CACNB2: variants seen among roughly 807,000 people sequenced by gnomAD.
CACNB2 encodes the protein calcium voltage-gated channel auxiliary subunit beta 2.
Under a neutral mutation model 73.3 loss-of-function variants are expected in CACNB2, and 42 were observed. The observed-to-expected ratio is 0.57, with a 90% CI of 0.45 to 0.74. CACNB2 has a LOEUF of 0.74. Among genes scored for constraint, CACNB2 ranks in the 30% least tolerant of loss-of-function variants. The probability of loss-of-function intolerance (pLI) is 0.00; values close to 1 mark genes in which losing one functional copy is unlikely to be tolerated. For missense variants in CACNB2, 940 were observed against 853.0 expected, an observed-to-expected ratio of 1.10 and a Z score of -1.27; for synonymous variants, 348 against 310.3, an observed-to-expected ratio of 1.12 and a Z score of -1.28.
intron 2 of CACNB2, among the ~76,000 whole-genome samples, chr10:18,397,391 G>C (rs1248718259): frequency 6.6e-6 from 1 of 152,110 alleles, no homozygotes; most frequent in African/African-American, 2.4e-5. Flanking sequence ...CGTGAACCTA[G>C]GAGACAGAGG....
At chr10:18,366,012 C>A (rs187345500) in intron 2 of CACNB2, among the ~76,000 whole-genome samples, 66 of 152,254 alleles carry the variant, frequency 4.3e-4, no homozygotes, top group African/African-American at 1.4e-3. Context: ...ACCATTCTAC[C>A]CATTTAAATA....
At chr10:18,311,853 C>T (rs532034269) in intron 2 of CACNB2, among the ~76,000 whole-genome samples, 3 of 152,202 alleles carry the variant, frequency 2.0e-5, no homozygotes, top group African/African-American at 7.2e-5. Context: ...GTCAGGGAAC[C>T]GCCTGGTAGG....
At chr10:18,501,552 C>G (rs994373543) in intron 5 of CACNB2, among the ~76,000 whole-genome samples, 1 of 152,236 alleles carries the variant, frequency 6.6e-6, no homozygotes, top group Non-Finnish European at 1.5e-5. Context: ...GTCTGTCCCT[C>G]TCTGAAAGAA....
chr10:18,282,426 G>A (rs1199067297), intron 2 of CACNB2, among the ~76,000 whole-genome samples: 16 of 152,210 alleles, frequency 1.1e-4, no homozygotes, highest in Admixed American at 1.0e-3. Context: ...AGATAGACCA[G>A]TCACCTGGGG....
At chr10:18,369,359 T>G (rs1455214716) in intron 2 of CACNB2, among the ~76,000 whole-genome samples, 3 of 152,240 alleles carry the variant, frequency 2.0e-5, no homozygotes, top group Non-Finnish European at 2.9e-5. Flanking sequence ...TATCCTGTAC[T>G]TTGCTGTAGT....
At chr10:18,243,387 G>A (rs1349643165) in intron 2 of CACNB2, among the ~76,000 whole-genome samples, 1 of 152,148 alleles carries the variant, frequency 6.6e-6, no homozygotes, top group Non-Finnish European at 1.5e-5. Flanking sequence ...CACCCTGGCT[G>A]TTTACAGGGA....
chr10:18,295,055 A>AT (rs1429355300), intron 2 of CACNB2, among the ~76,000 whole-genome samples: 3 of 152,106 alleles, frequency 2.0e-5, no homozygotes, highest in Admixed American at 6.6e-5. Context: ...TGTTATTTTT[A>AT]TTTTTTTACC....
intron 2 of CACNB2, among the ~76,000 whole-genome samples, chr10:18,353,351 A>T (rs1222635872): frequency 6.6e-6 from 1 of 152,064 alleles, no homozygotes. Context: ...CAGAGTTTGC[A>T]GTGAGCTGAG....
chr10:18,508,890 G>A (rs1047924517), intron 6 of CACNB2, among the ~76,000 whole-genome samples: 1 of 152,178 alleles, frequency 6.6e-6, no homozygotes, highest in African/African-American at 2.4e-5. Flanking sequence ...AGGAGGTGCT[G>A]CATTTTGAAG....
At chr10:18,346,374 G>A (rs1215700868) in intron 2 of CACNB2, among the ~76,000 whole-genome samples, 2 of 151,754 alleles carry the variant, frequency 1.3e-5, no homozygotes, top group Non-Finnish European at 1.5e-5. Flanking sequence ...TCCTGACCTC[G>A]AGTTCCACTC....
chr10:18,442,938 ATATG>A lies in CACNB2; in HGVS notation c.333+40897_333+40900del, dbSNP rs1275332017. ...TATATATATATATGTATATATATATATATGTGTATATATATATATGTATATATAT... is the reference window on the plus strand; with the variant it reads ...TATATATATATATGTATATATATATATGTATATATATATATGTATATATAT... On this transcript the variant is annotated intron_variant, in intron 3 of 13. Coordinates refer to ENST00000324631, the MANE Select transcript of CACNB2 (RefSeq NM_201596.3). Among the ~76,000 whole-genome samples, 360 of 43,534 alleles carry A rather than the reference ATATG, an allele frequency of 8.3e-3. 23 individuals carry two copies. The highest frequency in any genetic ancestry group is 0.011 in the Non-Finnish European group (292 of 25,916). 28.6% of individuals were successfully genotyped at this position (43,534 alleles called of 152,430 possible).
chr10:18,462,854 G>A (rs1186454958), intron 3 of CACNB2, among the ~76,000 whole-genome samples: 1 of 152,032 alleles, frequency 6.6e-6, no homozygotes, highest in Non-Finnish European at 1.5e-5. Context: ...CACCTCCCAG[G>A]TTCAAGAGAT....
intron 3 of CACNB2, among the ~76,000 whole-genome samples, chr10:18,488,474 CAAAAAAAAAAAAAAA>C (rs59931967): frequency 2.9e-5 from 2 of 67,966 alleles, no homozygotes; most frequent in Non-Finnish European, 5.1e-5. Context: ...GACTCCATCT[CAAAAAAAAAAAAAAA>C]AAAAAAAAAA....
chr10:18,540,289 G>A lies in CACNB2; in HGVS notation c.*565G>A, dbSNP rs886046896. ...GTACTGTGTACTGTATAGACAGTTTGTAAATGTTATTTCTGCAAACAAACA... is the reference window on the plus strand; with the variant it reads ...GTACTGTGTACTGTATAGACAGTTTATAAATGTTATTTCTGCAAACAAACA... On this transcript the variant is annotated 3_prime_UTR_variant, in exon 14 of 14. Coordinates refer to ENST00000324631, the MANE Select transcript of CACNB2 (RefSeq NM_201596.3). 7.0e-6 allele frequency: 1 copy of A among 142,344 alleles called. No homozygotes were observed. Among genetic ancestry groups the A allele is most frequent in the Admixed American group, 7.4e-5 (1 of 13,504 alleles). The allele number at this position is 142,344 out of a possible 1,614,324, so 8.8% of individuals were successfully genotyped here.
At chr10:18,439,252 C>T (rs558987696) in intron 3 of CACNB2, among the ~76,000 whole-genome samples, 91 of 152,274 alleles carry the variant, frequency 6.0e-4, no homozygotes, top group African/African-American at 1.8e-3. Context: ...GAAGAATATG[C>T]GGAAGCTAAT....
rs541016179 is a variant in CACNB2, at chr10:18,494,750, A to G, written c.334-3605A>G. Among the ~76,000 whole-genome samples, 22 of 152,042 alleles carry G rather than the reference A, an allele frequency of 1.4e-4. No individual in the cohort carries two copies. The East Asian group carries it at 4.1e-3, about 28-fold the overall frequency. ...TTGTGATCAGAAACTTTTCTGAATA[A>G]TGGATGGATCTACTAATGGAAATTG... On this transcript the variant is annotated intron_variant, in intron 3 of 13. Coordinates refer to ENST00000324631, the MANE Select transcript of CACNB2 (RefSeq NM_201596.3).
intron 2 of CACNB2, among the ~76,000 whole-genome samples, chr10:18,249,863 A>G (rs953435933): frequency 1.3e-5 from 2 of 152,054 alleles, no homozygotes; most frequent in African/African-American, 4.8e-5. Flanking sequence ...CTCAAAATTA[A>G]TATCCCTGCA....
intron 2 of CACNB2, among the ~76,000 whole-genome samples, chr10:18,286,517 CAAAAAAAAAAAAAAAA>C (rs770589594): frequency 3.7e-4 from 21 of 57,354 alleles, no homozygotes; most frequent in South Asian, 1.9e-3. Flanking sequence ...GATTCTGTCT[CAAAAAAAAAAAAAAAA>C]AAAAAAAAAA....
At chr10:18,314,173 T>C (rs184995916) in intron 2 of CACNB2, among the ~76,000 whole-genome samples, 6 of 152,228 alleles carry the variant, frequency 3.9e-5, no homozygotes, top group Admixed American at 1.3e-4. Flanking sequence ...ATTCCCGATA[T>C]TGTGGTTAAT....
Sources: gnomAD v4.1 joint callset for allele counts (sites outside exome capture counted in the v4.1 genomes callset) on GRCh38, gnomAD v4.1.1 for gene constraint, MANE v1.5 for transcripts, NCBI Gene and HGNC (gene_info 2026-07-23, HGNC 2026-07-21) for gene names.